The following GALNTL6 variants were observed in gnomAD, a reference collection of about 807,000 sequenced individuals.
GALNTL6 encodes the protein polypeptide N-acetylgalactosaminyltransferase like 6, also known as polypeptide N-acetylgalactosaminyltransferase-like 6.
Under a neutral mutation model 73.7 loss-of-function variants are expected in GALNTL6, and 46 were observed. That is an observed-to-expected ratio of 0.62 (90% confidence interval 0.49 to 0.80). The LOEUF (loss-of-function observed/expected upper bound fraction) is 0.80. Among genes scored for constraint, GALNTL6 ranks in the 30% least tolerant of loss-of-function variants. The pLI, the probability that GALNTL6 is intolerant of heterozygous loss-of-function variation, is 0.00. For missense variants in GALNTL6, 604 were observed against 755.0 expected, an observed-to-expected ratio of 0.80 and a Z score of 2.34; for synonymous variants, 259 against 263.7, an observed-to-expected ratio of 0.98 and a Z score of 0.17.
intron 2 of GALNTL6, among the ~76,000 whole-genome samples, chr4:171,826,545 C>T (rs904922746): frequency 6.6e-6 from 1 of 152,130 alleles, no homozygotes; most frequent in Non-Finnish European, 1.5e-5. Flanking sequence ...GGAGCCATTC[C>T]TGACTTTCCG....
At chr4:172,353,808 T>A (rs948289794) in intron 5 of GALNTL6, among the ~76,000 whole-genome samples, 2 of 152,076 alleles carry the variant, frequency 1.3e-5, no homozygotes, top group Admixed American at 1.3e-4. Context: ...CACATTACCA[T>A]TAAAAAATCC....
chr4:171,836,127 T>C (rs1296000938), intron 2 of GALNTL6, among the ~76,000 whole-genome samples: 1 of 152,068 alleles, frequency 6.6e-6, no homozygotes, highest in Non-Finnish European at 1.5e-5. Flanking sequence ...TAGCATCCTT[T>C]AGTAGTGTGG....
intron 2 of GALNTL6, among the ~76,000 whole-genome samples, chr4:171,912,815 C>T (rs1454360440): frequency 6.6e-6 from 1 of 152,124 alleles, no homozygotes; most frequent in Non-Finnish European, 1.5e-5. Flanking sequence ...GTTTCTGTGC[C>T]AGGCTTCCTT....
intron 2 of GALNTL6, among the ~76,000 whole-genome samples, chr4:172,137,306 A>G (rs1733664335): frequency 1.3e-5 from 2 of 152,206 alleles, no homozygotes; most frequent in Admixed American, 1.3e-4. Flanking sequence ...ATTTTCAATT[A>G]TATTTTGAAG....
intron 5 of GALNTL6, chr4:172,545,744 A>C (rs1735722599): frequency 6.6e-6 from 1 of 152,178 alleles, no homozygotes; most frequent in Admixed American, 6.5e-5. Context: ...TGAATGAATA[A>C]ATCAGTGAGT....
chr4:172,914,599 C>T (rs1463898368), intron 8 of GALNTL6, among the ~76,000 whole-genome samples: 2 of 152,112 alleles, frequency 1.3e-5, no homozygotes, highest in Non-Finnish European at 2.9e-5. Flanking sequence ...GATTGCAATC[C>T]TAGTCTCTGA....
At chr4:172,075,244 T>C (rs56709208) in intron 2 of GALNTL6, among the ~76,000 whole-genome samples, 4,473 of 152,282 alleles carry the variant, frequency 0.029, 137 homozygotes, top group African/African-American at 0.072. Context: ...TTTTCCTTTT[T>C]AAATATTATA....
chr4:172,435,740 C>T (rs336001), intron 5 of GALNTL6, among the ~76,000 whole-genome samples: 126,084 of 152,122 alleles, frequency 0.83, 52,639 homozygotes, highest in Non-Finnish European at 0.88. Context: ...GAGTGGTTTT[C>T]CTTTAACCTA....
At chr4:172,565,065 G>T (rs1298716045) in intron 5 of GALNTL6, among the ~76,000 whole-genome samples, 1 of 152,136 alleles carries the variant, frequency 6.6e-6, no homozygotes, top group Non-Finnish European at 1.5e-5. Flanking sequence ...CTCCACAGAT[G>T]GTGCCTTGTT....
chr4:172,445,697 A>G (rs1314885542), intron 5 of GALNTL6, among the ~76,000 whole-genome samples: 2 of 152,098 alleles, frequency 1.3e-5, no homozygotes, highest in African/African-American at 4.8e-5. Flanking sequence ...TAAAATGATT[A>G]TTTTTTACTG....
chr4:172,708,563 T>C (rs1734503647), intron 5 of GALNTL6, among the ~76,000 whole-genome samples: 1 of 152,190 alleles, frequency 6.6e-6, no homozygotes, highest in African/African-American at 2.4e-5. Context: ...ATTCCTTGTC[T>C]GCAAAATAAG....
In GALNTL6 at chr4:171,848,621, C is replaced by T. The variant is rs138181389; in HGVS notation, c.138+33903C>T. Among the ~76,000 whole-genome samples the T allele has an allele frequency of 6.2e-4, 95 of 152,318 alleles. 1 individual carries two copies. In the East Asian group the frequency reaches 0.017, roughly 27 times the overall value. The stretch of plus-strand genomic sequence containing the variant: ...TAACTTGCTGCAGCTTCTACATCAG[C>T]GTCTACTGCTTCACCTTGCATTTTT... On this transcript the variant is annotated intron_variant, in intron 2 of 12. Coordinates refer to ENST00000506823, the MANE Select transcript of GALNTL6 (RefSeq NM_001034845.3).
At chr4:172,510,695 T>C (rs1734434737) in intron 5 of GALNTL6, among the ~76,000 whole-genome samples, 1 of 55,380 alleles carries the variant, frequency 1.8e-5, no homozygotes, top group Non-Finnish European at 4.2e-5. Context: ...TCTATTGAGA[T>C]GATCATGTGA....
At chr4:171,976,468 A>G (rs1318810703) in intron 2 of GALNTL6, among the ~76,000 whole-genome samples, 1 of 152,216 alleles carries the variant, frequency 6.6e-6, no homozygotes, top group Non-Finnish European at 1.5e-5. Flanking sequence ...ATTTCCATGT[A>G]TAAACACATT....
intron 5 of GALNTL6, among the ~76,000 whole-genome samples, chr4:172,588,768 G>C (rs1737522103): frequency 1.3e-5 from 2 of 152,122 alleles, no homozygotes; most frequent in Non-Finnish European, 2.9e-5. Context: ...ACAGTTTCCA[G>C]TTATGCAATC....
At chr4:172,898,322 ACACG>A (rs879887673) in intron 8 of GALNTL6, among the ~76,000 whole-genome samples, 1,433 of 134,190 alleles carry the variant, frequency 0.011, 31 homozygotes, top group Non-Finnish European at 7.8e-3. Context: ...ACACACACAC[ACACG>A]TATAAGATAA....
intron 5 of GALNTL6, among the ~76,000 whole-genome samples, chr4:172,728,969 G>A (rs1735990440): frequency 6.6e-6 from 1 of 152,090 alleles, no homozygotes. Context: ...TCTGATGATT[G>A]AAGATGATGA....
At chr4:172,052,598 C>T (rs956383825) in intron 2 of GALNTL6, 40 of 1,054,584 alleles carry the variant, frequency 3.8e-5, no homozygotes, top group South Asian at 6.0e-5. Flanking sequence ...GTCTCATGGA[C>T]GCTTGTTGTT....
intron 5 of GALNTL6, among the ~76,000 whole-genome samples, chr4:172,398,405 T>C (rs1262959451): frequency 6.6e-6 from 1 of 152,180 alleles, no homozygotes; most frequent in Non-Finnish European, 1.5e-5. Context: ...GATAATGAAG[T>C]GAGTGCTATC....
Sources: gnomAD v4.1 joint callset for allele counts (sites outside exome capture counted in the v4.1 genomes callset) on GRCh38, gnomAD v4.1.1 for gene constraint, MANE v1.5 for transcripts, NCBI Gene and HGNC (gene_info 2026-07-23, HGNC 2026-07-21) for gene names.